Variants in ATIC observed in about 807,000 individuals in gnomAD.
ATIC encodes 5-aminoimidazole-4-carboxamide ribonucleotide formyltransferase/IMP cyclohydrolase.
ATIC carries 64 observed loss-of-function variants against 72.5 expected under a neutral mutation model. That is an observed-to-expected ratio of 0.88 (90% CI 0.72 to 1.09). The LOEUF (loss-of-function observed/expected upper bound fraction) is 1.09, where lower values mean the gene tolerates loss of function less well. Ranked by LOEUF, ATIC falls within the 50% of genes least tolerant of loss-of-function variation. The pLI is 0.00. For synonymous variants in ATIC, 281 were observed against 267.1 expected, an observed-to-expected ratio of 1.05 and a Z score of -0.51; for missense variants, 787 against 732.4, an observed-to-expected ratio of 1.07 and a Z score of -0.86.
intron 1 of ATIC, 44 bp from the exon 2 acceptor site, chr2:215,312,454 T>C: frequency 6.2e-7 from 1 of 1,614,116 alleles, no homozygotes; most frequent in Non-Finnish European, 8.5e-7. Flanking sequence ...CAGAACACAG[T>C]GCAATGTGCT....
intron 12 of ATIC, among the ~76,000 whole-genome samples, chr2:215,342,474 A>C (rs951780800): frequency 1.3e-5 from 2 of 152,168 alleles, no homozygotes; most frequent in African/African-American, 4.8e-5. Context: ...ACAGTTCCAC[A>C]ACCATGCCAT....
intron 2 of ATIC, among the ~76,000 whole-genome samples, chr2:215,317,860 G>A (rs1489603180): frequency 1.3e-5 from 2 of 152,084 alleles, no homozygotes; most frequent in Non-Finnish European, 2.9e-5. Context: ...TATTTAATGA[G>A]TATGGCTTAT....
intron 12 of ATIC, among the ~76,000 whole-genome samples, chr2:215,342,125 A>G (rs2053026261): frequency 6.6e-6 from 1 of 152,160 alleles, no homozygotes; most frequent in South Asian, 2.1e-4. Context: ...GGGGATTATT[A>G]TAATTCAGGG....
In ATIC at chr2:215,332,517, T is replaced by C; in HGVS notation, c.814+10T>C. On this transcript the variant is annotated intron_variant, in intron 8 of 15. Transcript: ENST00000236959. ...CATGTCAGCCCAGCAGGTAAAGCTC[T>C]GTGCTCTGGAAAGCTCCAGAATTGT... 1 of 1,614,136 alleles carries C rather than the reference T, an allele frequency of 6.2e-7. No homozygotes were observed. The highest frequency in any genetic ancestry group is 8.5e-7 in the Non-Finnish European group (1 of 1,180,012).
At chr2:215,360,730 G>GA in the ATIC span, 2 of 152,580 alleles carry the variant, frequency 1.3e-5, no homozygotes, top group African/African-American at 4.8e-5. Context: ...AACTGATTTA[G>GA]AAAATCTTGT....
the ATIC span, among the ~76,000 whole-genome samples, chr2:215,365,966 A>ATTTTTTTTTTTTTTTTTTT: frequency 1.7e-4 from 15 of 90,340 alleles, no homozygotes; most frequent in African/African-American, 2.4e-4. Context: ...CCACAGTGCT[A>ATTTTTTTTTTTTTTTTTTT]TTTTTTTTTT....
chr2:215,317,988 A>G (rs953805117), intron 2 of ATIC, 169 bp from the exon 3 acceptor site: 4 of 661,354 alleles, frequency 6.0e-6, no homozygotes, highest in Admixed American at 2.7e-5. Flanking sequence ...TCGGAAGTAA[A>G]TAGAATTTTA....
At chr2:215,324,345 T>C (rs927865318) in intron 4 of ATIC, among the ~76,000 whole-genome samples, 4 of 152,246 alleles carry the variant, frequency 2.6e-5, no homozygotes, top group African/African-American at 9.6e-5. Flanking sequence ...TGAATACCTG[T>C]TGAATTGTGT....
intron 4 of ATIC, among the ~76,000 whole-genome samples, chr2:215,322,652 G>C (rs577531483): frequency 3.3e-5 from 5 of 152,096 alleles, no homozygotes; most frequent in Non-Finnish European, 7.4e-5. Flanking sequence ...TCTTTTAAGA[G>C]TTATTTTAGT....
chr2:215,346,702 T>G lies in ATIC; in HGVS notation c.1321-57T>G. The G allele has an allele frequency of 8.8e-6, 14 of 1,592,002 alleles. No homozygotes were observed. In the South Asian group the frequency reaches 1.5e-4, roughly 18 times the overall value. On this transcript the variant is annotated intron_variant, in intron 13 of 15. Transcript: ENST00000236959. Reference sequence around the variant, plus strand: ...TTTGGAGAATGTGCACAAAAGATCCTTTTGAGAAGAAAGTGTCTTTGGAAG... The same window carrying G: ...TTTGGAGAATGTGCACAAAAGATCCGTTTGAGAAGAAAGTGTCTTTGGAAG...
intron 13 of ATIC, chr2:215,345,236 A>G (rs2053059750): frequency 6.0e-6 from 2 of 335,000 alleles, no homozygotes; most frequent in South Asian, 2.6e-5. Context: ...CCACCAGCCT[A>G]TATTTTTGCA....
At chr2:215,318,368 C>A in intron 3 of ATIC, 135 bp downstream of exon 3, 1 of 848,188 alleles carries the variant, frequency 1.2e-6, no homozygotes, top group Non-Finnish European at 2.0e-6. Flanking sequence ...GAAGTTGCTG[C>A]CAGATTTCAT....
chr2:215,367,567 G>A, the ATIC span: 1 of 414,950 alleles, frequency 2.4e-6, no homozygotes, highest in Non-Finnish European at 4.5e-6. Context: ...GGTTCCAAAA[G>A]TCTTTATCCA....
chr2:215,362,378 TCAA>T, the ATIC span: 523 of 407,652 alleles, frequency 1.3e-3, 3 homozygotes, highest in African/African-American at 9.0e-3. Context: ...CCCAACTTCC[TCAA>T]CAAGTTCTCT....
chr2:215,361,581 C>G, the ATIC span: 18 of 1,611,820 alleles, frequency 1.1e-5, no homozygotes, highest in Admixed American at 1.7e-5. Flanking sequence ...TCTCTGTCAG[C>G]CTGTACATCT....
chr2:215,331,148 C>A (rs1006053065), intron 7 of ATIC, among the ~76,000 whole-genome samples: 82 of 152,058 alleles, frequency 5.4e-4, no homozygotes, highest in African/African-American at 1.8e-3. Context: ...CTAATATTTT[C>A]TTTTATTGTA....
At chr2:215,316,460 A>G (rs548866287) in intron 2 of ATIC, among the ~76,000 whole-genome samples, 1 of 152,290 alleles carries the variant, frequency 6.6e-6, no homozygotes, top group South Asian at 2.1e-4. Flanking sequence ...TTATAGTCTC[A>G]GCTACTTGGA....
chr2:215,353,173 C>T (rs555006664), downstream of ATIC, among the ~76,000 whole-genome samples: 3 of 152,136 alleles, frequency 2.0e-5, no homozygotes, highest in Admixed American at 6.5e-5. Flanking sequence ...TTTCCCTTTG[C>T]GCTCAGCCTA....
chr2:215,332,400 G>C lies in ATIC; in HGVS notation c.707G>C (p.Gly236Ala). Reference protein sequence around the residue: ...LPITVLNGAPGFINLCDALNA... With the variant: ...LPITVLNGAPAFINLCDALNA... ...CATTTAGTTCTAAATGGAGCCCCTG[G>C]ATTTATAAACTTGTGCGATGCTTTG... Residue 236 changes from glycine (G) to alanine (A), a missense_variant, in exon 8 of 16, where the codon GGA becomes GCA. By Grantham distance (60) the Gly-to-Ala change is moderately conservative. Coordinates refer to ENST00000236959, the MANE Select transcript of ATIC (RefSeq NM_004044.7). The C allele has an allele frequency of 6.2e-7, 1 of 1,614,012 alleles. No individual in the cohort carries two copies. The highest frequency in any genetic ancestry group is 8.5e-7 in the Non-Finnish European group (1 of 1,180,016).
Sources: allele counts gnomAD v4.1 joint callset (sites outside exome capture counted in the v4.1 genomes callset), GRCh38; gene constraint gnomAD v4.1.1; transcripts MANE v1.5; gene names NCBI Gene and HGNC (gene_info 2026-07-23, HGNC 2026-07-21).